The following ASXL1 variants were observed in gnomAD, a reference collection of about 807,000 sequenced individuals.
ASXL1 encodes the protein polycomb group protein ASXL1.
A neutral mutation model predicts 89.1 loss-of-function variants in ASXL1; 65 were observed. The ratio of observed to expected loss-of-function variants is 0.73; its 90% CI spans 0.60 to 0.90. The LOEUF (loss-of-function observed/expected upper bound fraction) is 0.90. ASXL1 is among the 40% of genes least tolerant of loss of function. The pLI is 0.00. For synonymous variants in ASXL1, 739 were observed against 746.9 expected, an observed-to-expected ratio of 0.99 and a Z score of 0.17; for missense variants, 1,786 against 1,942.9, an observed-to-expected ratio of 0.92 and a Z score of 1.52.
chr20:32,361,601 G>GCGC (rs11474510), intron 1 of ASXL1, among the ~76,000 whole-genome samples: 1 of 143,240 alleles, frequency 7.0e-6, no homozygotes, highest in African/African-American at 2.6e-5. Flanking sequence ...CCATGCCACT[G>GCGC]TCCAGCCTGG....
intron 1 of ASXL1, among the ~76,000 whole-genome samples, chr20:32,362,907 A>T (rs572354753): frequency 6.6e-6 from 1 of 152,316 alleles, no homozygotes; most frequent in East Asian, 1.9e-4. Flanking sequence ...TTCCCTTTAA[A>T]TCGAGGACGC....
chr20:32,393,869 C>T (rs2424883), intron 4 of ASXL1, among the ~76,000 whole-genome samples: 54,392 of 151,590 alleles, frequency 0.36, 10,733 homozygotes, highest in Middle Eastern at 0.53. Context: ...GTCACTCTGT[C>T]GTCTAGGCTG....
intron 4 of ASXL1, among the ~76,000 whole-genome samples, chr20:32,419,235 T>C (rs904563046): frequency 1.3e-5 from 2 of 152,056 alleles, no homozygotes; most frequent in African/African-American, 2.4e-5. Flanking sequence ...CAGGGTCTTG[T>C]TCTGTCTCTC....
rs41289852 is a variant in ASXL1, at chr20:32,437,886, G to C, written c.*548G>C. 7,849 of 240,478 alleles carry C rather than the reference G, an allele frequency of 0.033. 198 individuals carry two copies. Among genetic ancestry groups the C allele is most frequent in the Non-Finnish European group, 0.044 (5,381 of 122,244 alleles). 14.9% of individuals were successfully genotyped at this position (240,478 alleles called of 1,614,324 possible). ...ACAGTTGAGTCATTTGCCAGTTGACGGAGCAAGTTTGACCTTGGTTCTGTT... is the reference window on the plus strand; with the variant it reads ...ACAGTTGAGTCATTTGCCAGTTGACCGAGCAAGTTTGACCTTGGTTCTGTT... On this transcript the variant is annotated 3_prime_UTR_variant, in exon 13 of 13. Transcript: ENST00000375687.
rs562115402 is a variant in ASXL1, at chr20:32,375,333, C to A, written c.252+6210C>A. On this transcript the variant is annotated intron_variant, in intron 4 of 12. Transcript: ENST00000375687. The stretch of plus-strand genomic sequence containing the variant: ...GTGTGGTGGCGTGCACCTGTAATCC[C>A]AGCTACTCGGGAGGCTGAGGCTGGA... Among the ~76,000 whole-genome samples the A allele has an allele frequency of 7.2e-5, 11 of 151,894 alleles. No individual in the cohort carries two copies. In the South Asian group the frequency reaches 2.3e-3, roughly 32 times the overall value.
At chr20:32,404,940 G>A (rs1275777559) in intron 4 of ASXL1, among the ~76,000 whole-genome samples, 1 of 152,122 alleles carries the variant, frequency 6.6e-6, no homozygotes, top group Non-Finnish European at 1.5e-5. Flanking sequence ...TTTCCTTGAT[G>A]ATGAATTCCT....
At chr20:32,402,684 A>C (rs2123062558) in intron 4 of ASXL1, among the ~76,000 whole-genome samples, 1 of 152,246 alleles carries the variant, frequency 6.6e-6, no homozygotes, top group African/African-American at 2.4e-5. Context: ...TCATGCCTTA[A>C]ATTTGCATTT....
chr20:32,374,823 C>T (rs1975736109), intron 4 of ASXL1, among the ~76,000 whole-genome samples: 1 of 152,060 alleles, frequency 6.6e-6, no homozygotes, highest in African/African-American at 2.4e-5. Flanking sequence ...CAATAAACAC[C>T]CTAATCCAAG....
chr20:32,362,986 T>C (rs1272090292), intron 1 of ASXL1, among the ~76,000 whole-genome samples: 1 of 152,134 alleles, frequency 6.6e-6, no homozygotes, highest in Non-Finnish European at 1.5e-5. Flanking sequence ...GATTCATGAC[T>C]GACCAGTTCT....
intron 4 of ASXL1, among the ~76,000 whole-genome samples, chr20:32,419,077 C>T (rs563222530): frequency 1.4e-4 from 21 of 151,982 alleles, no homozygotes; most frequent in East Asian, 9.7e-4. Context: ...GTGATCTGCC[C>T]GCCTTAGCCT....
At chr20:32,382,370 G>A (rs770969736) in intron 4 of ASXL1, among the ~76,000 whole-genome samples, 3 of 151,902 alleles carry the variant, frequency 2.0e-5, no homozygotes, top group Non-Finnish European at 4.4e-5. Flanking sequence ...AATCTGGTTC[G>A]TTGTAATTGC....
intron 4 of ASXL1, chr20:32,372,030 C>A: frequency 8.7e-7 from 1 of 1,151,634 alleles, no homozygotes; most frequent in South Asian, 1.4e-5. Flanking sequence ...AGGATAATTA[C>A]TTTTTTCTAT....
chr20:32,417,049 C>T (rs1005708236), intron 4 of ASXL1, among the ~76,000 whole-genome samples: 6 of 152,084 alleles, frequency 3.9e-5, no homozygotes, highest in Non-Finnish European at 8.8e-5. Flanking sequence ...AAAACCTGAC[C>T]TGTGTAAACT....
intron 4 of ASXL1, among the ~76,000 whole-genome samples, chr20:32,393,835 G>C (rs908270960): frequency 6.6e-6 from 1 of 151,558 alleles, no homozygotes; most frequent in African/African-American, 2.4e-5. Context: ...TGTTTTTTTC[G>C]TTTTTGTTTT....
In ASXL1 at chr20:32,429,661, A is replaced by T; in HGVS notation, c.565+230A>T. ...TGAGGATCCAACGGAGGATTTGATT[A>T]TGCCAGTGCTTTGTAAAAGGTGTAG... On this transcript the variant is annotated intron_variant, in intron 7 of 12. Transcript: ENST00000375687. This position sits in a 1 kb window ranked among gnomAD's most constrained non-coding sequence, Gnocchi z 4.9. 2.9e-6 allele frequency: 2 copies of T among 701,344 alleles called. No individual in the cohort carries two copies. Among genetic ancestry groups the T allele is most frequent in the South Asian group, 1.9e-5 (1 of 53,910 alleles). The allele number at this position is 701,344 out of a possible 1,614,324, so 43.4% of individuals were successfully genotyped here.
At chr20:32,381,589 A>C (rs1198599317) in intron 4 of ASXL1, among the ~76,000 whole-genome samples, 1 of 141,272 alleles carries the variant, frequency 7.1e-6, no homozygotes, top group Non-Finnish European at 1.5e-5. Context: ...ATCTCGGCTC[A>C]CTGCAAGCTC....
At chr20:32,375,039 G>A (rs1410714876) in intron 4 of ASXL1, among the ~76,000 whole-genome samples, 9 of 152,160 alleles carry the variant, frequency 5.9e-5, no homozygotes, top group East Asian at 1.9e-4. Flanking sequence ...TCTGGTCAGC[G>A]TTTTGCCATG....
intron 4 of ASXL1, among the ~76,000 whole-genome samples, chr20:32,391,138 C>T (rs764596331): frequency 3.5e-4 from 53 of 152,114 alleles, no homozygotes; most frequent in Non-Finnish European, 6.6e-4. Context: ...AATCCTCCCA[C>T]CTATGCCTCT....
At chr20:32,419,930 T>C (rs916638658) in intron 4 of ASXL1, among the ~76,000 whole-genome samples, 37 of 152,276 alleles carry the variant, frequency 2.4e-4, no homozygotes, top group African/African-American at 8.4e-4. Flanking sequence ...TCCACCCACC[T>C]CGGCCTCCCG....
Sources: allele counts gnomAD v4.1 joint callset (sites outside exome capture counted in the v4.1 genomes callset), GRCh38; gene constraint gnomAD v4.1.1; non-coding constraint Gnocchi (gnomAD v3.1); transcripts MANE v1.5; gene names NCBI Gene and HGNC (gene_info 2026-07-23, HGNC 2026-07-21).